BCR: variants seen among roughly 807,000 people sequenced by gnomAD.
The protein encoded by BCR is BCR activator of RhoGEF and GTPase, also known as breakpoint cluster region protein.
BCR carries 58 observed loss-of-function variants against 138.6 expected under a neutral mutation model. The ratio of observed to expected loss-of-function variants is 0.42; its 90% CI spans 0.34 to 0.52. BCR has a LOEUF of 0.52. BCR is among the 20% of genes least tolerant of loss of function. The pLI, the probability that BCR is intolerant of heterozygous loss-of-function variation, is 0.06. For synonymous variants in BCR, 786 were observed against 730.1 expected, an observed-to-expected ratio of 1.08 and a Z score of -1.23; for missense variants, 1,599 against 1,727.2, an observed-to-expected ratio of 0.93 and a Z score of 1.32.
intron 16 of BCR, among the ~76,000 whole-genome samples, chr22:23,304,021 T>C (rs1001440506): frequency 6.6e-6 from 1 of 150,580 alleles, no homozygotes; most frequent in Admixed American, 6.7e-5. Flanking sequence ...ACAACCTTGA[T>C]GTCCCAGGCT....
chr22:23,292,792 C>T (rs972265065), intron 15 of BCR, among the ~76,000 whole-genome samples, 154 bp downstream of exon 15: 1 of 152,164 alleles, frequency 6.6e-6, no homozygotes, highest in Non-Finnish European at 1.5e-5. Context: ...CAGTAGGTGA[C>T]GTGTCCAAGA....
intron 10 of BCR, among the ~76,000 whole-genome samples, chr22:23,286,412 C>T (rs2073713761): frequency 6.6e-6 from 1 of 152,202 alleles, no homozygotes; most frequent in Admixed American, 6.5e-5. Context: ...GTACCCAAAC[C>T]CAGCACACTT....
At chr22:23,314,396 G>A (rs2074043568) in intron 21 of BCR, among the ~76,000 whole-genome samples, 156 bp from the exon 22 acceptor site, 1 of 152,182 alleles carries the variant, frequency 6.6e-6, no homozygotes, top group South Asian at 2.1e-4. Flanking sequence ...CTTGTCCTGG[G>A]CCACTGAGAC....
intron 1 of BCR, among the ~76,000 whole-genome samples, chr22:23,203,761 T>G (rs2146212052): frequency 6.6e-6 from 1 of 152,328 alleles, no homozygotes; most frequent in African/African-American, 2.4e-5. Flanking sequence ...GGGCTACTTG[T>G]AACTGAATCT....
Position 23,315,597 on chromosome 22 carries a change from G to A in BCR, c.*75G>A. 1 of 1,429,830 alleles carries A rather than the reference G, an allele frequency of 7.0e-7. No homozygotes were observed. Among genetic ancestry groups the A allele is most frequent in the Non-Finnish European group, 9.8e-7 (1 of 1,021,220 alleles). The allele number at this position is 1,429,830 out of a possible 1,614,324, so 88.6% of individuals were successfully genotyped here. A position where few individuals can be genotyped will look rare whatever the true frequency, so the allele number is the denominator to read the frequency against. ...GCTAATCGGGCCATCCGTAGAGCGG[G>A]AACCTTCCTGAGGTGTCCTTGGGCC... On this transcript the variant is annotated 3_prime_UTR_variant, in exon 23 of 23. Transcript: ENST00000305877.
rs371741091 is a variant in BCR, at chr22:23,314,633, C to T, written c.3645C>T (p.Ser1215=). The change falls in exon 22 of 23, where the codon TCC becomes TCT. Residue 1215 remains serine (S), a synonymous_variant. Transcript: ENST00000305877. ...TVFGPTLLRP[S]EKESKLPANP... is the part of the protein sequence containing the mutation. ...TTGGCCCCACGCTGCTCCGGCCCTC[C>T]GAGAAGGAGAGCAAGCTCCCTGCCA... 1.1e-4 allele frequency: 185 copies of T among 1,611,986 alleles called. No homozygotes were observed. The highest frequency in any genetic ancestry group is 3.3e-4 in the East Asian group (15 of 44,874).
chr22:23,277,619 C>T (rs2073593311), intron 8 of BCR, among the ~76,000 whole-genome samples: 1 of 152,098 alleles, frequency 6.6e-6, no homozygotes, highest in African/African-American at 2.4e-5. Context: ...CTGGGTGTTT[C>T]GAGGTTCTCC....
chr22:23,283,782 T>C, intron 8 of BCR, 195 bp from the exon 9 acceptor site: 1 of 660,244 alleles, frequency 1.5e-6, no homozygotes, highest in Non-Finnish European at 2.4e-6. Flanking sequence ...ACATAAGCCC[T>C]GATGTGTTAG....
intron 7 of BCR, among the ~76,000 whole-genome samples, chr22:23,273,398 C>T (rs1371370949): frequency 2.0e-5 from 3 of 152,196 alleles, no homozygotes; most frequent in Non-Finnish European, 4.4e-5. Context: ...ACAGAGGAGT[C>T]CTTCTTGGCC....
Position 23,181,112 on chromosome 22 carries a change from A to G in BCR, c.152A>G (p.Gln51Arg). 6.0e-6 allele frequency: 9 copies of G among 1,503,240 alleles called. No individual in the cohort carries two copies. The highest frequency in any genetic ancestry group is 1.4e-5 in the African/African-American group (1 of 70,250). The allele number at this position is 1,503,240 out of a possible 1,614,324, so 93.1% of individuals were successfully genotyped here. Residue 51 changes from glutamine (Q) to arginine (R), a missense_variant, in exon 1 of 23, where the codon CAG becomes CGG. By Grantham distance (43) the Gln-to-Arg change is conservative (BLOSUM62 1). This residue lies in a region of BCR where 806 missense variants were observed against 635.0 expected (regional missense o/e 1.27). Coordinates refer to ENST00000305877, the MANE Select transcript of BCR (RefSeq NM_004327.4). ...SIRRLEQEVNQERFRMIYLQT... is the reference protein window; with the variant it reads ...SIRRLEQEVNRERFRMIYLQT... ...CGGCGCCTGGAGCAGGAGGTGAACC[A>G]GGAGCGCTTCCGCATGATCTACCTG... is the stretch of plus-strand genomic sequence containing the variant.
rs2073073572 is a variant in BCR, at chr22:23,240,226, A to G, written c.1280-13573A>G. 3.3e-5 allele frequency among the ~76,000 whole-genome samples: 5 copies of G among 152,118 alleles called. No individual in the cohort carries two copies. The South Asian group carries it at 1.0e-3, about 31-fold the overall frequency. ...TAGAGGTTAGGACTTCAGCATATGA[A>G]TTTAGGAGGGAACACAATTTAGCCC... is the stretch of plus-strand genomic sequence containing the variant. On this transcript the variant is annotated intron_variant, in intron 1 of 22. Coordinates refer to ENST00000305877, the MANE Select transcript of BCR (RefSeq NM_004327.4).
intron 1 of BCR, among the ~76,000 whole-genome samples, chr22:23,224,859 G>T (rs1163543019): frequency 6.6e-6 from 1 of 152,118 alleles, no homozygotes; most frequent in Non-Finnish European, 1.5e-5. Context: ...TCCATCCTGG[G>T]CGACAGAGCA....
At chr22:23,263,927 C>T in intron 4 of BCR, 2 of 929,650 alleles carry the variant, frequency 2.2e-6, no homozygotes, top group East Asian at 4.8e-5. Context: ...GTGGGCACTT[C>T]TCACCCCTGA....
chr22:23,264,295 C>T (rs1217805802), intron 4 of BCR: 8 of 948,260 alleles, frequency 8.4e-6, no homozygotes, highest in Non-Finnish European at 1.4e-5. Flanking sequence ...CTGCATCTCA[C>T]CACCAAGCAT....
chr22:23,189,567 C>T (rs1274189232), intron 1 of BCR, among the ~76,000 whole-genome samples: 2 of 152,140 alleles, frequency 1.3e-5, no homozygotes, highest in African/African-American at 2.4e-5. Flanking sequence ...ATGGCACGAT[C>T]TCGGCTCACT....
At chr22:23,296,507 G>C (rs927585420) in intron 16 of BCR, among the ~76,000 whole-genome samples, 1 of 152,046 alleles carries the variant, frequency 6.6e-6, no homozygotes, top group Non-Finnish European at 1.5e-5. Flanking sequence ...TTTACCAAGT[G>C]CTGGCCTCAC....
intron 4 of BCR, among the ~76,000 whole-genome samples, chr22:23,267,503 G>A (rs2073456909): frequency 2.0e-5 from 3 of 152,194 alleles, no homozygotes; most frequent in Admixed American, 6.5e-5. Context: ...AAATGCAAAT[G>A]CACATGGAAA....
intron 1 of BCR, among the ~76,000 whole-genome samples, chr22:23,199,946 G>A (rs532787355): frequency 6.6e-6 from 1 of 152,214 alleles, no homozygotes; most frequent in Admixed American, 6.5e-5. Flanking sequence ...AAATTAGCCG[G>A]GCGTGGTGGC....
At chr22:23,214,610 T>G (rs1396363777) in intron 1 of BCR, among the ~76,000 whole-genome samples, 1 of 152,186 alleles carries the variant, frequency 6.6e-6, no homozygotes, top group Non-Finnish European at 1.5e-5. Context: ...GGGGAAGCTG[T>G]GAGGATGCTC....
Sources: allele counts gnomAD v4.1 joint callset (sites outside exome capture counted in the v4.1 genomes callset), GRCh38; gene constraint gnomAD v4.1.1; regional missense constraint gnomAD v4.1.1; transcripts MANE v1.5; gene names NCBI Gene and HGNC (gene_info 2026-07-23, HGNC 2026-07-21).